The following MFSD6 variants were observed in gnomAD, a reference collection of about 807,000 sequenced individuals.
MFSD6 encodes major facilitator superfamily domain-containing protein 6.
In MFSD6, 26 loss-of-function variants were observed where a neutral mutation model predicts 56.3. That is an observed-to-expected ratio of 0.46 (90% CI 0.34 to 0.64). MFSD6 has a LOEUF of 0.64. Among genes scored for constraint, MFSD6 ranks in the 30% least tolerant of loss-of-function variants. MFSD6 has a pLI of 0.01. For synonymous variants in MFSD6, 331 were observed against 366.9 expected, an observed-to-expected ratio of 0.90 and a Z score of 1.12; for missense variants, 750 against 986.2, an observed-to-expected ratio of 0.76 and a Z score of 3.21.
rs199817690 is a variant in MFSD6 at position 190,436,516 on chromosome 2, A to G, written c.487A>G (p.Ile163Val). The change falls in exon 3 of 8, where the codon ATT (isoleucine) becomes GTT (valine). Residue 163 changes from isoleucine (I) to valine (V), a missense_variant. Around this residue, in one of 5 missense-constraint regions of MFSD6, gnomAD observed 376 missense variants for 437.9 expected, o/e 0.86. Transcript: ENST00000392328. The surrounding 1 kb of genome is among the most constrained non-coding windows in gnomAD (Gnocchi z 5.3). ...TGCTACCTTGAGATGTGTACCAAAG[A>G]TTCGCCCAACAACTCACCCCACCAA... ...KPATLRCVPK[I>V]RPTTHPTNAS... The G allele has an allele frequency of 2.6e-5, 42 of 1,614,114 alleles. No homozygotes were observed. The highest frequency in any genetic ancestry group is 3.0e-5 in the Non-Finnish European group (35 of 1,180,044).
intron 3 of MFSD6, among the ~76,000 whole-genome samples, chr2:190,453,667 A>G (rs1209725877): frequency 6.6e-6 from 1 of 152,222 alleles, no homozygotes; most frequent in Non-Finnish European, 1.5e-5. Context: ...TATCACTGAT[A>G]TTCTTTTAAT....
At position 190,418,234 on chromosome 2, in the gene MFSD6, A is replaced by G. The variant is rs141493891; in HGVS notation, c.-54+2821A>G. ...TAAAACTGGGAAAGGAATCATTTCC[A>G]CCCCAGAGAACTGTTGTGAGTATTA... is the stretch of plus-strand genomic sequence containing the variant. On this transcript the variant is annotated intron_variant, in intron 2 of 7. Transcript: ENST00000392328. This position sits in a 1 kb window ranked among gnomAD's most constrained non-coding sequence, Gnocchi z 4.1. Among the ~76,000 whole-genome samples, 1 of 152,272 alleles carries G rather than the reference A, an allele frequency of 6.6e-6. No individual in the cohort carries two copies. Among genetic ancestry groups the G allele is most frequent in the African/African-American group, 2.4e-5 (1 of 41,566 alleles).
At position 190,501,156 on chromosome 2, in the gene MFSD6, C is replaced by A. The variant is rs1474329774; in HGVS notation, c.*938C>A. On this transcript the variant is annotated 3_prime_UTR_variant, in exon 8 of 8. Coordinates refer to ENST00000392328, the MANE Select transcript of MFSD6 (RefSeq NM_017694.4). ...TTCCTTAAATAAGCAGTACTAGTTA[C>A]AAATCACAGTATAAGATTTAAGTGC... 2.6e-5 allele frequency: 4 copies of A among 152,150 alleles called. No homozygotes were observed. Among genetic ancestry groups the A allele is most frequent in the African/African-American group, 9.7e-5 (4 of 41,426 alleles). The allele number at this position is 152,150 out of a possible 1,614,324, so 9.4% of individuals were successfully genotyped here.
Position 190,500,164 on chromosome 2 carries a change from G to T in MFSD6, c.2322G>T (p.Pro774=). 6.2e-7 allele frequency: 1 copy of T among 1,614,108 alleles called. No individual in the cohort carries two copies. Among genetic ancestry groups the T allele is most frequent in the South Asian group, 1.1e-5 (1 of 91,084 alleles). Residue 774 remains proline, a synonymous_variant, in exon 8 of 8, where the codon CCG becomes CCT. Coordinates refer to ENST00000392328, the MANE Select transcript of MFSD6 (RefSeq NM_017694.4). This position sits in a 1 kb window ranked among gnomAD's most constrained non-coding sequence, Gnocchi z 5.3. ...GCCCCGCTCACCCCAGTGTGGACCC[G>T]TGCACAGAGGAGAGTGAAGAGCAGC... ...QTSPAHPSVD[P]CTEESEEQQA...
chr2:190,482,876 T>TG (rs1389427753), intron 4 of MFSD6, among the ~76,000 whole-genome samples: 3 of 27,006 alleles, frequency 1.1e-4, no homozygotes, highest in Non-Finnish European at 2.0e-4. Flanking sequence ...ATCTTTTTTT[T>TG]TTTTTTTTTT....
intron 4 of MFSD6, chr2:190,477,389 C>T (rs1485552659): frequency 1.0e-6 from 1 of 970,952 alleles, no homozygotes; most frequent in Non-Finnish European, 1.2e-6. Flanking sequence ...TGTATACCTA[C>T]AGAAAAGAAA....
Position 190,437,466 on chromosome 2 carries a change from A to C in MFSD6, c.1437A>C (p.Thr479=). ...ATTTGGAAGACCTCAATGGAACTAC[A>C]ACCCTCTTTGGGGTCTGTTCAGTCC... The part of the protein sequence containing the change: ...YWHLEDLNGT[T]TLFGVCSVLS... The change falls in exon 3 of 8, where the codon ACA becomes ACC. Residue 479 remains threonine, a synonymous_variant. Coordinates refer to ENST00000392328, the MANE Select transcript of MFSD6 (RefSeq NM_017694.4). The surrounding 1 kb of genome is among the most constrained non-coding windows in gnomAD (Gnocchi z 5.9). 6.2e-7 allele frequency: 1 copy of C among 1,614,212 alleles called. No individual in the cohort carries two copies. The highest frequency in any genetic ancestry group is 2.2e-5 in the East Asian group (1 of 44,878).
chr2:190,421,833 T>A (rs1290687691), intron 2 of MFSD6, among the ~76,000 whole-genome samples: 1 of 152,220 alleles, frequency 6.6e-6, no homozygotes, highest in Non-Finnish European at 1.5e-5. Context: ...TTATCACCTG[T>A]ATGTCTTTAA....
chr2:190,432,229 T>G (rs1686028817), intron 2 of MFSD6, among the ~76,000 whole-genome samples: 1 of 152,182 alleles, frequency 6.6e-6, no homozygotes, highest in African/African-American at 2.4e-5. Flanking sequence ...AGAAGAGGCT[T>G]TAACTTTCCT....
chr2:190,483,107 T>C (rs1002725706), intron 4 of MFSD6, among the ~76,000 whole-genome samples: 9 of 151,016 alleles, frequency 6.0e-5, no homozygotes, highest in Non-Finnish European at 1.0e-4. Flanking sequence ...TTAGCCAGGA[T>C]GGTCTCGATC....
chr2:190,440,666 A>T (rs973383143), intron 3 of MFSD6, among the ~76,000 whole-genome samples: 2 of 152,188 alleles, frequency 1.3e-5, no homozygotes, highest in African/African-American at 4.8e-5. Context: ...ATTTATTTAC[A>T]TTTTAAGGGA....
intron 3 of MFSD6, among the ~76,000 whole-genome samples, chr2:190,450,192 C>G (rs1686727375): frequency 6.6e-6 from 1 of 151,982 alleles, no homozygotes; most frequent in Non-Finnish European, 1.5e-5. Flanking sequence ...TTGTACAAGT[C>G]AAAAGTCTTA....
At chr2:190,422,851 T>C (rs1369107086) in intron 2 of MFSD6, among the ~76,000 whole-genome samples, 1 of 152,200 alleles carries the variant, frequency 6.6e-6, no homozygotes. Flanking sequence ...TCCTGGGAGA[T>C]GCTATATCTG....
In MFSD6 at chr2:190,426,418, G is replaced by GT. The variant is rs373815831; in HGVS notation, c.-53-9551dup. Among the ~76,000 whole-genome samples the GT allele has an allele frequency of 1.2e-3, 176 of 151,636 alleles. 3 individuals carry two copies. Among genetic ancestry groups the GT allele is most frequent in the Middle Eastern group, 3.4e-3 (1 of 292 alleles). On this transcript the variant is annotated intron_variant, in intron 2 of 7. Coordinates refer to ENST00000392328, the MANE Select transcript of MFSD6 (RefSeq NM_017694.4). This position sits in a 1 kb window ranked among gnomAD's most constrained non-coding sequence, Gnocchi z 4.7. Reference sequence around the variant, plus strand: ...TTCCATTTCTTTGCTGAGACTTTCTGTTTTTTTTGTTTTGTTTCAAGCATG... The same window carrying GT: ...TTCCATTTCTTTGCTGAGACTTTCTGTTTTTTTTTGTTTTGTTTCAAGCATG...
chr2:190,449,268 G>A (rs1217874453), intron 3 of MFSD6, among the ~76,000 whole-genome samples: 1 of 152,180 alleles, frequency 6.6e-6, no homozygotes, highest in Non-Finnish European at 1.5e-5. Flanking sequence ...GAGGTCAGGA[G>A]TTCAAGACCA....
In MFSD6 at chr2:190,437,059, A is replaced by C; in HGVS notation, c.1030A>C (p.Ile344Leu). The C allele has an allele frequency of 6.2e-7, 1 of 1,614,226 alleles. No homozygotes were observed. Among genetic ancestry groups the C allele is most frequent in the Non-Finnish European group, 8.5e-7 (1 of 1,180,052 alleles). ...GWGLAMLSVG[I>L]GIDYTHIEVL... The stretch of plus-strand genomic sequence containing the variant: ...GGGCCTGGCGATGCTGTCTGTGGGC[A>C]TCGGGATCGACTACACCCACATCGA... Residue 344 changes from isoleucine to leucine, a missense_variant, in exon 3 of 8, where the codon ATC becomes CTC. Ile to Leu is a conservative substitution (Grantham distance 5). Transcript: ENST00000392328. The surrounding 1 kb of genome is among the most constrained non-coding windows in gnomAD (Gnocchi z 5.9).
At chr2:190,428,599 C>T (rs894623613) in intron 2 of MFSD6, among the ~76,000 whole-genome samples, 18 of 152,194 alleles carry the variant, frequency 1.2e-4, no homozygotes, top group African/African-American at 4.3e-4. Context: ...AAAAATGCTA[C>T]AATGTGCATC....
In MFSD6 at chr2:190,423,302, A is replaced by C. The variant is rs1225752479; in HGVS notation, c.-54+7889A>C. 6.6e-6 allele frequency among the ~76,000 whole-genome samples: 1 copy of C among 152,108 alleles called. No individual in the cohort carries two copies. Among genetic ancestry groups the C allele is most frequent in the African/African-American group, 2.4e-5 (1 of 41,418 alleles). ...TACTTCCCTCCTGTCCCCACTCTCT[A>C]GTGAATTCCTGGCAATCACCTGTCT... On this transcript the variant is annotated intron_variant, in intron 2 of 7. Transcript: ENST00000392328. This position sits in a 1 kb window ranked among gnomAD's most constrained non-coding sequence, Gnocchi z 4.3.
chr2:190,444,833 TA>T, intron 3 of MFSD6: 4 of 756,424 alleles, frequency 5.3e-6, no homozygotes, highest in Non-Finnish European at 4.8e-6. Flanking sequence ...TTCATAAAGA[TA>T]ATGTTTTGTG....
Sources: gnomAD v4.1 joint callset for allele counts (sites outside exome capture counted in the v4.1 genomes callset) on GRCh38, gnomAD v4.1.1 for gene constraint, gnomAD v4.1.1 regional missense constraint, Gnocchi (gnomAD v3.1) non-coding constraint, MANE v1.5 for transcripts, NCBI Gene and HGNC (gene_info 2026-07-23, HGNC 2026-07-21) for gene names.